The following PELI2 variants were observed in gnomAD, a reference collection of about 807,000 sequenced individuals.
The protein encoded by PELI2 is E3 ubiquitin-protein ligase pellino homolog 2.
A neutral mutation model predicts 42.3 loss-of-function variants in PELI2; 23 were observed. That is an observed-to-expected ratio of 0.54 (90% CI 0.39 to 0.77). The LOEUF (loss-of-function observed/expected upper bound fraction) is 0.77, where lower values mean the gene tolerates loss of function less well. PELI2 is among the 30% of genes least tolerant of loss of function. PELI2 has a pLI of 0.00. For missense variants in PELI2, 463 were observed against 553.2 expected (o/e 0.84, Z 1.64); for synonymous variants, 245 against 212.2 (o/e 1.15, Z -1.34).
chr14:56,242,549 A>G (rs61987416), intron 2 of PELI2, among the ~76,000 whole-genome samples: 294 of 152,360 alleles, frequency 1.9e-3, no homozygotes, highest in Non-Finnish European at 2.2e-3. Context: ...ACACTTGCAC[A>G]TGCATGTTTA....
intron 2 of PELI2, among the ~76,000 whole-genome samples, chr14:56,239,361 G>GACTTTCCA: frequency 6.6e-6 from 1 of 152,224 alleles, no homozygotes; most frequent in East Asian, 1.9e-4. Flanking sequence ...AAAATTCCTG[G>GACTTTCCA]ACTTTCCAAG....
At chr14:56,141,743 G>T (rs1883913649) in intron 1 of PELI2, among the ~76,000 whole-genome samples, 2 of 152,112 alleles carry the variant, frequency 1.3e-5, no homozygotes, top group Admixed American at 6.5e-5. Context: ...CAGCATGGGG[G>T]AAACCACCCC....
chr14:56,204,181 T>C (rs1886435441), intron 2 of PELI2, among the ~76,000 whole-genome samples: 2 of 152,212 alleles, frequency 1.3e-5, no homozygotes, highest in Non-Finnish European at 1.5e-5. Context: ...TTTGATGTTA[T>C]AGAGATGATT....
At chr14:56,182,277 A>C (rs771945712) in intron 2 of PELI2, among the ~76,000 whole-genome samples, 5 of 152,198 alleles carry the variant, frequency 3.3e-5, no homozygotes, top group Non-Finnish European at 5.9e-5. Context: ...ATTTTTAAAT[A>C]AGGGGAAATA....
At chr14:56,253,584 T>G (rs756086310) in intron 2 of PELI2, among the ~76,000 whole-genome samples, 24 of 152,204 alleles carry the variant, frequency 1.6e-4, no homozygotes, top group Admixed American at 3.9e-4. Flanking sequence ...AAATCATGAG[T>G]GAACACCCAT....
intron 5 of PELI2, among the ~76,000 whole-genome samples, chr14:56,291,471 C>T (rs979987499): frequency 2.2e-4 from 34 of 151,868 alleles, no homozygotes; most frequent in Non-Finnish European, 5.9e-5. Flanking sequence ...ACAGCGTATG[C>T]GTCTTACAGT....
At chr14:56,126,054 CAT>C (rs1234087241) in intron 1 of PELI2, among the ~76,000 whole-genome samples, 10 of 152,328 alleles carry the variant, frequency 6.6e-5, no homozygotes, top group African/African-American at 2.2e-4. Context: ...AGAAACTAAA[CAT>C]GTGCTTTACT....
At position 56,224,471 on chromosome 14, in the gene PELI2, C is replaced by T. The variant is rs535393517; in HGVS notation, c.207+46007C>T. ...TTTAAAAACTCATTAATAGCTTACT[C>T]AGAAACTTAGCTGGTAAAATTGTTG... is the stretch of plus-strand genomic sequence containing the variant. On this transcript the variant is annotated intron_variant, in intron 2 of 5. Transcript: ENST00000267460. Among the ~76,000 whole-genome samples the T allele has an allele frequency of 1.7e-3, 261 of 152,300 alleles. 3 individuals carry two copies. The highest frequency in any genetic ancestry group is 2.8e-3 in the Non-Finnish European group (192 of 68,016).
chr14:56,165,214 G>C (rs1201963806), intron 1 of PELI2, among the ~76,000 whole-genome samples: 2 of 151,950 alleles, frequency 1.3e-5, no homozygotes. Flanking sequence ...ATAGGTTTTG[G>C]TATGTTGTAT....
chr14:56,176,564 T>C lies in PELI2; in HGVS notation c.78-1771T>C, dbSNP rs1946530994. 2.0e-5 allele frequency among the ~76,000 whole-genome samples: 3 copies of C among 152,166 alleles called. No homozygotes were observed. In the South Asian group the frequency reaches 6.2e-4, roughly 32 times the overall value. The stretch of plus-strand genomic sequence containing the variant: ...TTGACCAAAGCAAAGGGCCGTGATA[T>C]CCTGGAGAGCCTGCGTTCCATGGGA... On this transcript the variant is annotated intron_variant, in intron 1 of 5. Transcript: ENST00000267460.
At chr14:56,205,994 A>G (rs896922274) in intron 2 of PELI2, among the ~76,000 whole-genome samples, 3 of 124,790 alleles carry the variant, frequency 2.4e-5, no homozygotes, top group South Asian at 3.0e-4. Flanking sequence ...GAAAAGAACT[A>G]CAGATAACCT....
At chr14:56,206,375 T>C (rs1886517610) in intron 2 of PELI2, among the ~76,000 whole-genome samples, 1 of 152,248 alleles carries the variant, frequency 6.6e-6, no homozygotes, top group African/African-American at 2.4e-5. Context: ...CTCTTCTACC[T>C]GTCCCAACTT....
rs959226523 is a variant in PELI2 at position 56,297,226 on chromosome 14, C to G, written c.*60C>G. The G allele has an allele frequency of 5.8e-6, 7 of 1,205,270 alleles. No individual in the cohort carries two copies. The highest frequency in any genetic ancestry group is 8.2e-6 in the Non-Finnish European group (7 of 858,370). The allele number at this position is 1,205,270 out of a possible 1,614,324, so 74.7% of individuals were successfully genotyped here. A position where few individuals can be genotyped will look rare whatever the true frequency, so the allele number is the denominator to read the frequency against. The stretch of plus-strand genomic sequence containing the variant: ...GTTACTGTGAAGATTTTGCCACTAA[C>G]TCTAGATTTTACCTTTTTGTAATGC... On this transcript the variant is annotated 3_prime_UTR_variant, in exon 6 of 6. Coordinates refer to ENST00000267460, the MANE Select transcript of PELI2 (RefSeq NM_021255.3).
intron 2 of PELI2, among the ~76,000 whole-genome samples, chr14:56,182,528 C>T (rs539515813): frequency 6.6e-6 from 1 of 152,230 alleles, no homozygotes; most frequent in East Asian, 1.9e-4. Flanking sequence ...GTTTTCCCTT[C>T]TCAGATTATG....
At chr14:56,209,789 C>T (rs1247676789) in intron 2 of PELI2, among the ~76,000 whole-genome samples, 3 of 152,168 alleles carry the variant, frequency 2.0e-5, no homozygotes, top group African/African-American at 2.4e-5. Flanking sequence ...CTTGCCAAGC[C>T]ATTTGAAGGG....
intron 2 of PELI2, among the ~76,000 whole-genome samples, chr14:56,233,675 C>T (rs779979946): frequency 1.7e-4 from 26 of 152,112 alleles, no homozygotes; most frequent in Non-Finnish European, 8.8e-5. Flanking sequence ...TAGGCAATAC[C>T]GTTCATAACA....
intron 2 of PELI2, among the ~76,000 whole-genome samples, chr14:56,199,549 G>T (rs1351409859): frequency 2.6e-5 from 4 of 152,142 alleles, no homozygotes; most frequent in Non-Finnish European, 5.9e-5. Flanking sequence ...AGTGCTTCAT[G>T]GTTCTTCTTG....
intron 1 of PELI2, among the ~76,000 whole-genome samples, chr14:56,132,191 G>T (rs1194360123): frequency 6.6e-6 from 1 of 152,134 alleles, no homozygotes; most frequent in Non-Finnish European, 1.5e-5. Context: ...GACACTGAGT[G>T]ACTCGTGTGA....
Position 56,299,238 on chromosome 14 carries a change from A to G in PELI2, c.*2072A>G, listed in dbSNP as rs1200889595. The G allele has an allele frequency of 6.6e-6, 1 of 152,216 alleles. No individual in the cohort carries two copies. Among genetic ancestry groups the G allele is most frequent in the Non-Finnish European group, 1.5e-5 (1 of 68,030 alleles). The allele number at this position is 152,216 out of a possible 1,614,324, so 9.4% of individuals were successfully genotyped here. ...AAGATATTTTTCCAGAGAGTTAGGTATATCATAATTTTCCATTTCAAGTCC... is the reference window on the plus strand; with the variant it reads ...AAGATATTTTTCCAGAGAGTTAGGTGTATCATAATTTTCCATTTCAAGTCC... On this transcript the variant is annotated 3_prime_UTR_variant, in exon 6 of 6. Transcript: ENST00000267460.
Sources: gnomAD v4.1 joint callset for allele counts (sites outside exome capture counted in the v4.1 genomes callset) on GRCh38, gnomAD v4.1.1 for gene constraint, MANE v1.5 for transcripts, NCBI Gene and HGNC (gene_info 2026-07-23, HGNC 2026-07-21) for gene names.